Variants in LRRC9 observed in about 807,000 individuals in gnomAD.
The protein encoded by LRRC9 is leucine rich repeat containing 9, also known as leucine-rich repeat-containing protein 9.
Under a neutral mutation model 63.2 loss-of-function variants are expected in LRRC9, and 122 were observed. The observed-to-expected ratio is 1.93, with a 90% confidence interval of 1.67 to 2.24. The LOEUF (loss-of-function observed/expected upper bound fraction) is 2.24. LRRC9 is among the 30% of genes most tolerant of loss of function. The pLI, the probability that LRRC9 is intolerant of heterozygous loss-of-function variation, is 0.00. For synonymous variants in LRRC9, 366 were observed against 213.1 expected (o/e 1.72, Z -6.25); for missense variants, 1,071 against 627.7 (o/e 1.71, Z -7.55).
rs778476495 is a variant in LRRC9, at chr14:60,004,631, A to G, written c.2842+833A>G. Among the ~76,000 whole-genome samples, 1 of 152,076 alleles carries G rather than the reference A, an allele frequency of 6.6e-6. No homozygotes were observed. Among genetic ancestry groups the G allele is most frequent in the Non-Finnish European group, 1.5e-5 (1 of 67,958 alleles). Reference sequence around the variant, plus strand: ...GATTTATGCTTATCTACAGCTAAAAATCATGAGTTTAGAGAACATGTCCTA... The same window carrying G: ...GATTTATGCTTATCTACAGCTAAAAGTCATGAGTTTAGAGAACATGTCCTA... On this transcript the variant is annotated intron_variant, in intron 21 of 31. Transcript: ENST00000445360. The surrounding 1 kb of genome is among the most constrained non-coding windows in gnomAD (Gnocchi z 4.8).
At chr14:59,939,649 G>T (rs962257068) in intron 7 of LRRC9, among the ~76,000 whole-genome samples, 3 of 151,910 alleles carry the variant, frequency 2.0e-5, no homozygotes, top group African/African-American at 7.3e-5. Context: ...CTGATGGATT[G>T]AATATTAAGT....
Position 59,942,302 on chromosome 14 carries a change from C to T in LRRC9, c.727-2287C>T, listed in dbSNP as rs969384448. On this transcript the variant is annotated intron_variant, in intron 7 of 31. Transcript: ENST00000445360. This position sits in a 1 kb window ranked among gnomAD's most constrained non-coding sequence, Gnocchi z 5.3. ...CTATTGTGAATAGTGCTGCAGTAAACGTGGGGGTGCAGGTATCCCTTTGAT... is the reference window on the plus strand; with the variant it reads ...CTATTGTGAATAGTGCTGCAGTAAATGTGGGGGTGCAGGTATCCCTTTGAT... 1.7e-4 allele frequency among the ~76,000 whole-genome samples: 26 copies of T among 152,002 alleles called. No individual in the cohort carries two copies. Among genetic ancestry groups the T allele is most frequent in the Non-Finnish European group, 3.2e-4 (22 of 68,010 alleles).
rs1889628847 is a variant in LRRC9 at position 60,004,255 on chromosome 14, T to C, written c.2842+457T>C. Among the ~76,000 whole-genome samples, 1 of 152,110 alleles carries C rather than the reference T, an allele frequency of 6.6e-6. No individual in the cohort carries two copies. The highest frequency in any genetic ancestry group is 1.5e-5 in the Non-Finnish European group (1 of 67,994). ...AGTCATTAATGTCTGTAAAGTTGAG[T>C]AAACAAATGAATGAGGTATGCTTTT... On this transcript the variant is annotated intron_variant, in intron 21 of 31. Transcript: ENST00000445360. The surrounding 1 kb of genome is among the most constrained non-coding windows in gnomAD (Gnocchi z 4.8).
intron 8 of LRRC9, among the ~76,000 whole-genome samples, chr14:59,951,823 G>A (rs943685742): frequency 6.6e-6 from 1 of 152,174 alleles, no homozygotes; most frequent in East Asian, 1.9e-4. Context: ...GGGGTCAGGG[G>A]TCAGGGACCC....
intron 31 of LRRC9, 62 bp from the exon 32 acceptor site, chr14:60,061,949 T>C: frequency 7.5e-6 from 3 of 398,116 alleles, no homozygotes; most frequent in Non-Finnish European, 1.3e-5. Flanking sequence ...ATGCTTATGT[T>C]AATTAATGTT....
At chr14:59,980,907 C>T (rs1886858179) in intron 15 of LRRC9, among the ~76,000 whole-genome samples, 1 of 152,180 alleles carries the variant, frequency 6.6e-6, no homozygotes, top group Non-Finnish European at 1.5e-5. Flanking sequence ...CATCATCCTC[C>T]TGCTTGCCGC....
At chr14:59,955,932 A>T (rs927552597) in intron 8 of LRRC9, among the ~76,000 whole-genome samples, 1 of 151,958 alleles carries the variant, frequency 6.6e-6, no homozygotes, top group African/African-American at 2.4e-5. Context: ...GTCAATTTCC[A>T]TATTTTTGTG....
chr14:59,941,153 C>G (rs188934111), intron 7 of LRRC9, among the ~76,000 whole-genome samples: 37 of 151,190 alleles, frequency 2.4e-4, no homozygotes, highest in Admixed American at 2.4e-3. Flanking sequence ...AGTAAAATAT[C>G]ATAATTTTTG....
At chr14:59,975,179 A>ATAT (rs1886134104) in intron 13 of LRRC9, among the ~76,000 whole-genome samples, 1 of 91,394 alleles carries the variant, frequency 1.1e-5, no homozygotes, top group East Asian at 3.0e-4. Context: ...ATATATATAC[A>ATAT]CTACACACAC....
intron 20 of LRRC9, among the ~76,000 whole-genome samples, chr14:60,002,698 T>A (rs1442207065): frequency 1.3e-5 from 2 of 152,206 alleles, no homozygotes; most frequent in African/African-American, 2.4e-5. Context: ...CATGAATGGC[T>A]ACGTCAGATG....
chr14:59,924,941 C>T (rs1248177894), intron 1 of LRRC9, among the ~76,000 whole-genome samples: 1 of 150,960 alleles, frequency 6.6e-6, no homozygotes, highest in East Asian at 1.9e-4. Flanking sequence ...TGCCTGTATG[C>T]ATTTTCTCCA....
In LRRC9 at chr14:59,964,654, G is replaced by C. The variant is rs914908884; in HGVS notation, c.1212-1935G>C. On this transcript the variant is annotated intron_variant, in intron 10 of 31. Transcript: ENST00000445360. The surrounding 1 kb of genome is among the most constrained non-coding windows in gnomAD (Gnocchi z 4.4). ...CTATCAGAGTGCAGAAAGCTTCCAG[G>C]ACATGTTACTTAGGGGAAATTTGAC... Among the ~76,000 whole-genome samples, 4 of 152,174 alleles carry C rather than the reference G, an allele frequency of 2.6e-5. No homozygotes were observed. Among genetic ancestry groups the C allele is most frequent in the African/African-American group, 9.7e-5 (4 of 41,424 alleles).
intron 16 of LRRC9, 67 bp from the exon 17 acceptor site, chr14:59,985,038 C>T: frequency 2.0e-6 from 1 of 491,198 alleles, no homozygotes; most frequent in South Asian, 3.8e-5. Flanking sequence ...TTTTACATAT[C>T]CACACTTCAG....
Position 59,932,364 on chromosome 14 carries a change from T to C in LRRC9, c.543+325T>C, listed in dbSNP as rs28515939. ...GGACTGCCCTTGGTCAGTACTGACA[T>C]CTTTTCTCATTTCTGTCTGCATTCA... On this transcript the variant is annotated intron_variant, in intron 6 of 31. Transcript: ENST00000445360. The surrounding 1 kb of genome is among the most constrained non-coding windows in gnomAD (Gnocchi z 4.7). Among the ~76,000 whole-genome samples the C allele has an allele frequency of 0.17, 25,865 of 152,062 alleles. 3,004 individuals carry two copies. The highest frequency in any genetic ancestry group is 0.33 in the African/African-American group (13,471 of 41,448).
intron 16 of LRRC9, among the ~76,000 whole-genome samples, chr14:59,984,810 T>A (rs191724112): frequency 1.3e-5 from 2 of 152,346 alleles, no homozygotes; most frequent in East Asian, 3.9e-4. Flanking sequence ...AACACATGTA[T>A]TTATTTTCTA....
Position 60,027,430 on chromosome 14 carries a change from A to T in LRRC9, c.3704-454A>T, listed in dbSNP as rs1891645159. On this transcript the variant is annotated intron_variant, in intron 27 of 31. Transcript: ENST00000445360. This position sits in a 1 kb window ranked among gnomAD's most constrained non-coding sequence, Gnocchi z 4.0. Reference sequence around the variant, plus strand: ...AATATGATTGCAGTGCAAAAATATGAGAAAGAACAGCATAATTAATGTGTA... The same window carrying T: ...AATATGATTGCAGTGCAAAAATATGTGAAAGAACAGCATAATTAATGTGTA... Among the ~76,000 whole-genome samples, 2 of 152,124 alleles carry T rather than the reference A, an allele frequency of 1.3e-5. No homozygotes were observed. The highest frequency in any genetic ancestry group is 4.8e-5 in the African/African-American group (2 of 41,450).
intron 6 of LRRC9, among the ~76,000 whole-genome samples, chr14:59,937,183 A>G (rs1454996854): frequency 6.7e-6 from 1 of 150,012 alleles, no homozygotes; most frequent in Non-Finnish European, 1.5e-5. Context: ...CAGGGTTAGC[A>G]AATGTTTTCT....
rs1890109468 is a variant in LRRC9, at chr14:59,936,033, C to T, written c.544-2357C>T. Among the ~76,000 whole-genome samples the T allele has an allele frequency of 6.6e-6, 1 of 152,166 alleles. No individual in the cohort carries two copies. Among genetic ancestry groups the T allele is most frequent in the Admixed American group, 6.6e-5 (1 of 15,258 alleles). ...AGACCTCTCAGGTCTTGCTCTGCCTCATACTAGAGGCAGCATAATACGGTG... is the reference window on the plus strand; with the variant it reads ...AGACCTCTCAGGTCTTGCTCTGCCTTATACTAGAGGCAGCATAATACGGTG... On this transcript the variant is annotated intron_variant, in intron 6 of 31. Coordinates refer to ENST00000445360, the Ensembl canonical transcript of LRRC9. This position sits in a 1 kb window ranked among gnomAD's most constrained non-coding sequence, Gnocchi z 4.2.
At chr14:59,992,689 A>G (rs1234215667) in intron 17 of LRRC9, among the ~76,000 whole-genome samples, 1 of 152,250 alleles carries the variant, frequency 6.6e-6, no homozygotes, top group African/African-American at 2.4e-5. Context: ...AATTCGATCA[A>G]CTGGAAGAAA....
Sources: gnomAD v4.1 joint callset for allele counts (sites outside exome capture counted in the v4.1 genomes callset) on GRCh38, gnomAD v4.1.1 for gene constraint, Gnocchi (gnomAD v3.1) non-coding constraint, MANE v1.5 for transcripts, NCBI Gene and HGNC (gene_info 2026-07-23, HGNC 2026-07-21) for gene names.